Variants in SMTN observed in about 807,000 individuals in gnomAD.
SMTN encodes the protein smoothelin.
Under a neutral mutation model 102.0 loss-of-function variants are expected in SMTN, and 58 were observed. That is an observed-to-expected ratio of 0.57 (90% confidence interval 0.46 to 0.71). The LOEUF is 0.71. Among genes scored for constraint, SMTN ranks in the 30% least tolerant of loss-of-function variants. The pLI is 0.00. For missense variants in SMTN, 1,185 were observed against 1,241.7 expected (o/e 0.95, Z 0.69); for synonymous variants, 478 against 497.9 (o/e 0.96, Z 0.53).
In SMTN at chr22:31,083,167, T is replaced by G. The variant is rs1439555250; in HGVS notation, c.-80-12T>G. 1 of 1,561,876 alleles carries G rather than the reference T, an allele frequency of 6.4e-7. No individual in the cohort carries two copies. Among genetic ancestry groups the G allele is most frequent in the East Asian group, 2.3e-5 (1 of 42,912 alleles). On this transcript the variant is annotated splice_polypyrimidine_tract_variant and intron_variant, in intron 1 of 20. Transcript: ENST00000333137. Reference sequence around the variant, plus strand: ...AGCCCCAGCATGCCTGATTCATGTCTGTCCCCTGCAGAATTCTCTGAGCTG... The same window carrying G: ...AGCCCCAGCATGCCTGATTCATGTCGGTCCCCTGCAGAATTCTCTGAGCTG...
chr22:31,073,920 T>C (rs2042067839), intron 1 of SMTN, among the ~76,000 whole-genome samples: 1 of 152,238 alleles, frequency 6.6e-6, no homozygotes, highest in South Asian at 2.1e-4. Flanking sequence ...CAGCTTCAGC[T>C]AGGATAACTA....
chr22:31,095,633 T>C lies in SMTN; in HGVS notation c.1861+24T>C. 1 of 1,590,614 alleles carries C rather than the reference T, an allele frequency of 6.3e-7. No individual in the cohort carries two copies. Among genetic ancestry groups the C allele is most frequent in the South Asian group, 1.1e-5 (1 of 88,462 alleles). ...AGGTAGAGAGCCAGTTGCCCTACCC[T>C]AGATCCAGCTGCCCCATTCCCCAGC... On this transcript the variant is annotated intron_variant, in intron 13 of 20. Coordinates refer to ENST00000333137, the MANE Select transcript of SMTN (RefSeq NM_134269.3). The surrounding 1 kb of genome is among the most constrained non-coding windows in gnomAD (Gnocchi z 4.1).
At position 31,095,778 on chromosome 22, in the gene SMTN, T is replaced by A; in HGVS notation, c.1861+169T>A. ...GCTATTCCCTGCTGGATCCAGCTGC[T>A]CCTTCCCTAGCTCCTTCTCTCCCGC... On this transcript the variant is annotated intron_variant, in intron 13 of 20. Coordinates refer to ENST00000333137, the MANE Select transcript of SMTN (RefSeq NM_134269.3). This position sits in a 1 kb window ranked among gnomAD's most constrained non-coding sequence, Gnocchi z 4.1. 3.2e-6 allele frequency: 2 copies of A among 621,944 alleles called. No homozygotes were observed. Among genetic ancestry groups the A allele is most frequent in the Non-Finnish European group, 5.6e-6 (2 of 356,120 alleles). 38.5% of individuals were successfully genotyped at this position (621,944 alleles called of 1,614,324 possible).
chr22:31,067,275 C>G (rs2147454290), intron 1 of SMTN: 1 of 148,664 alleles, frequency 6.7e-6, no homozygotes, highest in Non-Finnish European at 1.5e-5. Context: ...GAGTCTTGCT[C>G]TGTCGCCAGG....
At chr22:31,090,626 G>A (rs75803893) in intron 8 of SMTN, among the ~76,000 whole-genome samples, 182 bp from the exon 9 acceptor site, 3 of 152,118 alleles carry the variant, frequency 2.0e-5, no homozygotes, top group Non-Finnish European at 2.9e-5. Context: ...AGATGCAGCC[G>A]AGTGGGGATG....
intron 1 of SMTN, chr22:31,067,785 C>T (rs1295560022): frequency 7.9e-5 from 12 of 152,206 alleles, no homozygotes; most frequent in South Asian, 2.1e-4. Context: ...GTCTCGATCT[C>T]CTGACCTTGT....
intron 17 of SMTN, 59 bp from the exon 18 acceptor site, chr22:31,099,003 G>C: frequency 6.4e-7 from 1 of 1,550,678 alleles, no homozygotes; most frequent in Non-Finnish European, 8.8e-7. Context: ...CCACTGGGTG[G>C]GCCCACCGAG....
chr22:31,093,959 C>G, intron 11 of SMTN: 1 of 913,204 alleles, frequency 1.1e-6, no homozygotes, highest in Non-Finnish European at 1.6e-6. Flanking sequence ...ACCACCTTCT[C>G]TGAGCCTCAG....
chr22:31,071,207 T>C (rs2041990330), intron 1 of SMTN, among the ~76,000 whole-genome samples: 2 of 140,650 alleles, frequency 1.4e-5, no homozygotes, highest in Admixed American at 7.3e-5. Context: ...GCCACTGCAC[T>C]CCTACCTGTG....
chr22:31,103,997 G>C (rs900344499), intron 20 of SMTN: 1 of 371,174 alleles, frequency 2.7e-6, no homozygotes, highest in African/African-American at 2.0e-5. Flanking sequence ...GTGGTCTCCA[G>C]GGAGAACATG....
chr22:31,070,295 C>T (rs964743607), intron 1 of SMTN, among the ~76,000 whole-genome samples: 13 of 152,120 alleles, frequency 8.5e-5, no homozygotes, highest in Non-Finnish European at 2.9e-5. Context: ...CAAGGAGCTC[C>T]GTTTTCTCAT....
intron 3 of SMTN, 74 bp downstream of exon 3, chr22:31,088,187 G>A: frequency 2.0e-6 from 3 of 1,474,262 alleles, no homozygotes; most frequent in Non-Finnish European, 1.8e-6. Context: ...TGTGCAGGCA[G>A]GCGTGAGCAC....
At chr22:31,064,171 G>C (rs1019170634) in exon 1 of SMTN, 2 of 152,294 alleles carry the variant, frequency 1.3e-5, no homozygotes, top group Non-Finnish European at 2.9e-5. Context: ...AGAAGAGGAA[G>C]AAGCAGAACT....
At position 31,091,325 on chromosome 22, in the gene SMTN, G is replaced by A; in HGVS notation, c.1302G>A (p.Val434=). The A allele has an allele frequency of 6.2e-7, 1 of 1,605,824 alleles. No homozygotes were observed. Residue 434 remains valine, a synonymous_variant, in exon 10 of 21, where the codon GTG becomes GTA. Coordinates refer to ENST00000333137, the MANE Select transcript of SMTN (RefSeq NM_134269.3). ...TTGAAAACAGAGCAGGGGGGCCTGT[G>A]GCACGTTCAGAGGAGCCTGGTGCCC... ...RPLENRAGGP[V]ARSEEPGAPL...
At chr22:31,066,659 T>C (rs2041857528) in intron 1 of SMTN, 2 of 152,304 alleles carry the variant, frequency 1.3e-5, no homozygotes, top group South Asian at 2.1e-4. Flanking sequence ...TCTTACTGAG[T>C]GGACACACTT....
In SMTN at chr22:31,098,940, G is replaced by C. The variant is rs193213706; in HGVS notation, c.2333+100G>C. 591 of 1,549,920 alleles carry C rather than the reference G, an allele frequency of 3.8e-4. 3 individuals are homozygous for C. In the African/African-American group the frequency reaches 7.3e-3, roughly 19 times the overall value. Reference sequence around the variant, plus strand: ...CCCGGCAGAGGCGGGAAGACCGCGCGGCTAGATCTGTGGTGCAAAGGCCCG... The same window carrying C: ...CCCGGCAGAGGCGGGAAGACCGCGCCGCTAGATCTGTGGTGCAAAGGCCCG... On this transcript the variant is annotated intron_variant, in intron 17 of 20. Transcript: ENST00000333137.
chr22:31,090,689 A>G, intron 8 of SMTN, 119 bp from the exon 9 acceptor site: 1 of 822,368 alleles, frequency 1.2e-6, no homozygotes, highest in East Asian at 2.4e-5. Context: ...GGGGTTGAGT[A>G]CAGGAAAGGG....
Position 31,096,887 on chromosome 22 carries a change from C to T in SMTN, c.2016C>T (p.Leu672=), listed in dbSNP as rs202175530. Residue 672 remains leucine, a synonymous_variant, in exon 14 of 21, where the codon CTC becomes CTT. Coordinates refer to ENST00000333137, the MANE Select transcript of SMTN (RefSeq NM_134269.3). ...GCACTGTTACCAAGACTGAGCGGCT[C>T]GTCCACTCCAGTAAGGGGCCAAATG... The part of the protein sequence containing the change: ...AVSTVTKTER[L]VHSNDGTRTA... 1,184 of 1,590,042 alleles carry T rather than the reference C, an allele frequency of 7.4e-4. 9 individuals carry two copies. The highest frequency in any genetic ancestry group is 3.7e-5 in the Non-Finnish European group (43 of 1,166,104).
chr22:31,093,429 T>G, intron 11 of SMTN: 1 of 487,300 alleles, frequency 2.1e-6, no homozygotes, highest in East Asian at 4.3e-5. Context: ...TTACCCCCCA[T>G]AGAGTCCCCA....
Sources: allele counts gnomAD v4.1 joint callset (sites outside exome capture counted in the v4.1 genomes callset), GRCh38; gene constraint gnomAD v4.1.1; non-coding constraint Gnocchi (gnomAD v3.1); transcripts MANE v1.5; gene names NCBI Gene and HGNC (gene_info 2026-07-23, HGNC 2026-07-21).